The following DGKG variants were observed in gnomAD, a reference collection of about 807,000 sequenced individuals.
The protein encoded by DGKG is diacylglycerol kinase gamma.
In DGKG, 78 loss-of-function variants were observed where a neutral mutation model predicts 105.3. The ratio of observed to expected loss-of-function variants is 0.74; its 90% CI spans 0.62 to 0.89. The LOEUF (loss-of-function observed/expected upper bound fraction) is 0.89. DGKG is among the 40% of genes least tolerant of loss of function. DGKG has a pLI of 0.00. For missense variants in DGKG, 958 were observed against 1,020.1 expected, an observed-to-expected ratio of 0.94 and a Z score of 0.83; for synonymous variants, 346 against 367.1, an observed-to-expected ratio of 0.94 and a Z score of 0.66.
chr3:186,307,692 G>C (rs1315846297), intron 2 of DGKG, among the ~76,000 whole-genome samples: 1 of 152,168 alleles, frequency 6.6e-6, no homozygotes, highest in Non-Finnish European at 1.5e-5. Flanking sequence ...TGTAACTAGG[G>C]CTCAGAAAAA....
Position 186,149,382 on chromosome 3 carries a change from G to A in DGKG, c.*708C>T, listed in dbSNP as rs1049710451. On this transcript the variant is annotated 3_prime_UTR_variant, in exon 25 of 25. Transcript: ENST00000265022. ...GTGTGCTATGCAGGCAGCTCTGGGG[G>A]CTCTTGGAGCCGCCTCTAAGCAAAC... 4.1e-6 allele frequency: 4 copies of A among 985,314 alleles called. No individual in the cohort carries two copies. The highest frequency in any genetic ancestry group is 3.6e-6 in the Non-Finnish European group (3 of 829,948). 61.0% of individuals were successfully genotyped at this position (985,314 alleles called of 1,614,324 possible). A position where few individuals can be genotyped will look rare whatever the true frequency, so the allele number is the denominator to read the frequency against.
chr3:186,179,266 A>G (rs1315180205), intron 22 of DGKG, among the ~76,000 whole-genome samples: 2 of 152,154 alleles, frequency 1.3e-5, no homozygotes, highest in Non-Finnish European at 2.9e-5. Flanking sequence ...AATATTGCCT[A>G]TGGTGGTTTT....
chr3:186,253,318 C>A, intron 17 of DGKG, 136 bp from the exon 18 acceptor site: 1 of 688,520 alleles, frequency 1.5e-6, no homozygotes. Flanking sequence ...ATGGGAAACA[C>A]ACTACTTCCT....
chr3:186,345,390 C>CA (rs1309988419), intron 1 of DGKG, among the ~76,000 whole-genome samples: 1 of 152,164 alleles, frequency 6.6e-6, no homozygotes, highest in African/African-American at 2.4e-5. Flanking sequence ...ATTGTTATAA[C>CA]TGAGTTGTTT....
intron 1 of DGKG, among the ~76,000 whole-genome samples, chr3:186,337,432 ACCTTT>A (rs1328202645): frequency 6.6e-6 from 1 of 152,094 alleles, no homozygotes; most frequent in Non-Finnish European, 1.5e-5. Context: ...AACAAACAAA[ACCTTT>A]AAGCACATCA....
At chr3:186,319,434 T>C (rs1724975926) in intron 2 of DGKG, among the ~76,000 whole-genome samples, 1 of 152,200 alleles carries the variant, frequency 6.6e-6, no homozygotes, top group Non-Finnish European at 1.5e-5. Flanking sequence ...GGACAAGGAC[T>C]GCCTACTGTG....
intron 1 of DGKG, among the ~76,000 whole-genome samples, chr3:186,348,197 A>G (rs1425364303): frequency 2.0e-5 from 3 of 152,126 alleles, no homozygotes; most frequent in Non-Finnish European, 2.9e-5. Flanking sequence ...GACTATATTA[A>G]TAACATGTAA....
intron 20 of DGKG, among the ~76,000 whole-genome samples, chr3:186,232,587 G>A (rs918836359): frequency 6.6e-6 from 1 of 151,976 alleles, no homozygotes; most frequent in Non-Finnish European, 1.5e-5. Flanking sequence ...CTCCATGATG[G>A]GAATATGAGT....
intron 21 of DGKG, among the ~76,000 whole-genome samples, chr3:186,193,281 C>A (rs1315447372): frequency 6.6e-6 from 1 of 152,184 alleles, no homozygotes; most frequent in Admixed American, 6.5e-5. Context: ...CACTTGCCAG[C>A]GGTGTGATTC....
chr3:186,261,895 CAG>C (rs1300728617), intron 14 of DGKG, 117 bp from the exon 15 acceptor site: 1 of 655,644 alleles, frequency 1.5e-6, no homozygotes, highest in African/African-American at 1.8e-5. Context: ...GGCAGGCAGT[CAG>C]GTGTTTTTCC....
chr3:186,242,051 C>G (rs1720712103), intron 20 of DGKG, among the ~76,000 whole-genome samples: 1 of 152,164 alleles, frequency 6.6e-6, no homozygotes, highest in Non-Finnish European at 1.5e-5. Context: ...CCTCCTGGTC[C>G]AAGTCCCGGA....
intron 19 of DGKG, among the ~76,000 whole-genome samples, chr3:186,247,088 G>T (rs924806202): frequency 6.6e-5 from 10 of 152,148 alleles, no homozygotes; most frequent in African/African-American, 2.4e-4. Context: ...GAAGTCAGAG[G>T]AAGTGGCATC....
At position 186,274,552 on chromosome 3, in the gene DGKG, G is replaced by A. The variant is rs1264648693; in HGVS notation, c.910+995C>T. Among the ~76,000 whole-genome samples, 465 of 100,342 alleles carry A rather than the reference G, an allele frequency of 4.6e-3. 3 individuals carry two copies. Among genetic ancestry groups the A allele is most frequent in the African/African-American group, 0.018 (440 of 24,268 alleles). The allele number at this position is 100,342 out of a possible 152,430, so 65.8% of individuals were successfully genotyped here. On this transcript the variant is annotated intron_variant, in intron 10 of 24. Coordinates refer to ENST00000265022, the MANE Select transcript of DGKG (RefSeq NM_001346.3). ...TCCCTCCCCCCTCCCCCCACCCCAC[G>A]ACAGGCCCCAGTGTGTGATGTTCCC...
Position 186,320,713 on chromosome 3 carries a change from T to A in DGKG, c.-248-6A>T. On this transcript the variant is annotated splice_polypyrimidine_tract_variant and splice_region_variant and intron_variant, in intron 1 of 24. Transcript: ENST00000265022. Reference sequence around the variant, plus strand: ...TTCAGAAGTCCTGGCTCTTCCTAGATAGAAGCAGAAAAGACATTGTAAATG... The same window carrying A: ...TTCAGAAGTCCTGGCTCTTCCTAGAAAGAAGCAGAAAAGACATTGTAAATG... 1 of 431,908 alleles carries A rather than the reference T, an allele frequency of 2.3e-6. No homozygotes were observed. Among genetic ancestry groups the A allele is most frequent in the Non-Finnish European group, 4.0e-6 (1 of 250,130 alleles). 26.8% of individuals were successfully genotyped at this position (431,908 alleles called of 1,614,324 possible).
intron 1 of DGKG, among the ~76,000 whole-genome samples, chr3:186,339,697 C>T (rs1447742757): frequency 2.6e-5 from 4 of 152,144 alleles, no homozygotes; most frequent in Non-Finnish European, 5.9e-5. Flanking sequence ...GGCCTGTACG[C>T]TGGGGCCTGT....
chr3:186,262,048 G>A (rs1469889750), intron 14 of DGKG: 3 of 367,254 alleles, frequency 8.2e-6, no homozygotes, highest in African/African-American at 6.4e-5. Flanking sequence ...ATTCAACGAT[G>A]ACGTGGTCTT....
chr3:186,321,772 A>G (rs1008419157), intron 1 of DGKG, among the ~76,000 whole-genome samples: 17 of 152,304 alleles, frequency 1.1e-4, no homozygotes, highest in African/African-American at 4.1e-4. Flanking sequence ...ACTAGAGCTG[A>G]GGGAAGATGC....
chr3:186,237,106 G>A (rs1243141091), intron 20 of DGKG, among the ~76,000 whole-genome samples: 1 of 152,210 alleles, frequency 6.6e-6, no homozygotes, highest in African/African-American at 2.4e-5. Flanking sequence ...AGTACTGATT[G>A]CTGCCTGTTT....
At chr3:186,322,162 T>C (rs7647225) in intron 1 of DGKG, among the ~76,000 whole-genome samples, 104,278 of 152,086 alleles carry the variant, frequency 0.69, 35,999 homozygotes, top group African/African-American at 0.77. Flanking sequence ...ACAGCAAAGA[T>C]ATAGAATCAG....
Sources: gnomAD v4.1 joint callset for allele counts (sites outside exome capture counted in the v4.1 genomes callset) on GRCh38, gnomAD v4.1.1 for gene constraint, MANE v1.5 for transcripts, NCBI Gene and HGNC (gene_info 2026-07-23, HGNC 2026-07-21) for gene names.